ERO1B: variants seen among roughly 807,000 people sequenced by gnomAD.
ERO1B encodes the protein endoplasmic reticulum oxidoreductase 1 beta.
A neutral mutation model predicts 75.3 loss-of-function variants in ERO1B; 49 were observed. That is an observed-to-expected ratio of 0.65 (90% CI 0.52 to 0.83). The LOEUF is 0.83. ERO1B is among the 40% of genes least tolerant of loss of function. The pLI, the probability that ERO1B is intolerant of heterozygous loss-of-function variation, is 0.00. For missense variants in ERO1B, 512 were observed against 560.1 expected, an observed-to-expected ratio of 0.91 and a Z score of 0.87; for synonymous variants, 191 against 192.9, an observed-to-expected ratio of 0.99 and a Z score of 0.08.
chr1:236,221,584 C>A (rs1227487582), intron 14 of ERO1B, among the ~76,000 whole-genome samples: 1 of 152,150 alleles, frequency 6.6e-6, no homozygotes, highest in Non-Finnish European at 1.5e-5. Context: ...ATATTTCAAT[C>A]TTTTTATGTA....
At chr1:236,220,005 C>G (rs1185414358) in intron 15 of ERO1B, among the ~76,000 whole-genome samples, 1 of 124,094 alleles carries the variant, frequency 8.1e-6, no homozygotes, top group Admixed American at 9.9e-5. Context: ...GCCTGGATGA[C>G]AGAGCGAGAC....
intron 5 of ERO1B, among the ~76,000 whole-genome samples, chr1:236,246,345 T>TAAAA (rs200804914): frequency 0.069 from 10,422 of 151,928 alleles, 742 homozygotes; most frequent in East Asian, 0.39. Context: ...TTTTTTTTTT[T>TAAAA]AATTTTTTGT....
intron 9 of ERO1B, among the ~76,000 whole-genome samples, chr1:236,232,151 A>G (rs1038512085): frequency 5.3e-5 from 8 of 152,180 alleles, no homozygotes; most frequent in African/African-American, 1.9e-4. Context: ...CTAAGGAGCT[A>G]TATATATCAC....
chr1:236,281,552 C>T, intron 1 of ERO1B, 130 bp downstream of exon 1: 1 of 604,390 alleles, frequency 1.7e-6, no homozygotes, highest in Non-Finnish European at 2.4e-6. Context: ...CCCGGGTTTT[C>T]TGCTCGCCAG....
In ERO1B at chr1:236,215,891, G is replaced by A. The variant is rs1029378653; in HGVS notation, c.*2625C>T. 2 of 151,138 alleles carry A rather than the reference G, an allele frequency of 1.3e-5. No individual in the cohort carries two copies. Among genetic ancestry groups the A allele is most frequent in the Admixed American group, 6.6e-5 (1 of 15,038 alleles). The allele number at this position is 151,138 out of a possible 1,614,324, so 9.4% of individuals were successfully genotyped here. A position where few individuals can be genotyped will look rare whatever the true frequency, so the allele number is the denominator to read the frequency against. The stretch of plus-strand genomic sequence containing the variant: ...TTATATACAGTGGCACATAGGCAAA[G>A]TTGAAAAACATGGCAGAGTTTCATA... On this transcript the variant is annotated 3_prime_UTR_variant, in exon 16 of 16. Coordinates refer to ENST00000354619, the MANE Select transcript of ERO1B (RefSeq NM_019891.4).
At chr1:236,250,897 T>C (rs1012391028) in intron 4 of ERO1B, among the ~76,000 whole-genome samples, 9 of 152,164 alleles carry the variant, frequency 5.9e-5, no homozygotes, top group African/African-American at 1.9e-4. Context: ...GCATGCCTTA[T>C]GGTTCAGCAA....
At chr1:236,270,458 A>T (rs768606534) in intron 1 of ERO1B, among the ~76,000 whole-genome samples, 4 of 152,146 alleles carry the variant, frequency 2.6e-5, no homozygotes, top group Non-Finnish European at 4.4e-5. Context: ...TTCATGAATG[A>T]GGTATTATAA....
intron 4 of ERO1B, 21 bp downstream of exon 4, chr1:236,252,029 C>G: frequency 6.5e-7 from 1 of 1,541,252 alleles, no homozygotes; most frequent in Non-Finnish European, 8.9e-7. Context: ...CAGAAACACT[C>G]AAGGAAGAGG....
intron 2 of ERO1B, among the ~76,000 whole-genome samples, chr1:236,255,654 G>A (rs547758474): frequency 3.9e-5 from 6 of 152,194 alleles, no homozygotes; most frequent in African/African-American, 9.7e-5. Context: ...TTGGTAATAT[G>A]TAAAATGGGT....
intron 7 of ERO1B, 87 bp from the exon 8 acceptor site, chr1:236,235,922 TCCCCA>T: frequency 8.8e-7 from 1 of 1,135,148 alleles, no homozygotes; most frequent in Non-Finnish European, 1.3e-6. Flanking sequence ...AATACTCCCC[TCCCCA>T]CCCTCTTTTT....
intron 1 of ERO1B, among the ~76,000 whole-genome samples, chr1:236,273,810 G>C (rs1385269096): frequency 9.7e-6 from 1 of 102,724 alleles, no homozygotes; most frequent in Non-Finnish European, 2.1e-5. Context: ...TGTCTCAAAA[G>C]AAAAAAAAAA....
chr1:236,275,223 A>T lies in ERO1B; in HGVS notation c.103-5229T>A, dbSNP rs187754382. 2.8e-3 allele frequency among the ~76,000 whole-genome samples: 420 copies of T among 152,284 alleles called. 5 individuals carry two copies. The highest frequency in any genetic ancestry group is 9.9e-3 in the African/African-American group (410 of 41,548). ...CTATCCACCATCAGTGCAGACCTAC[A>T]AATTAAGGGCTGAGTCCCACAAGAT... On this transcript the variant is annotated intron_variant, in intron 1 of 15. Coordinates refer to ENST00000354619, the MANE Select transcript of ERO1B (RefSeq NM_019891.4).
rs755648848 is a variant in ERO1B at position 236,281,686 on chromosome 1, G to T, written c.98C>A (p.Ala33Glu). Reference protein sequence around the residue: ...TLSFLRSVVEAQVTGVLDDCL... With the variant: ...TLSFLRSVVEEQVTGVLDDCL... ...CCCGCTATCACTCGGGCTTACCTGCGCCTCGACGACGCTCCGCAGGAAGCT... is the reference window on the plus strand; with the variant it reads ...CCCGCTATCACTCGGGCTTACCTGCTCCTCGACGACGCTCCGCAGGAAGCT... Residue 33 changes from alanine to glutamate, a missense_variant, in exon 1 of 16, where the codon GCG (alanine) becomes GAG (glutamate). Coordinates refer to ENST00000354619, the MANE Select transcript of ERO1B (RefSeq NM_019891.4). 2.7e-6 allele frequency: 4 copies of T among 1,476,318 alleles called. No homozygotes were observed. Among genetic ancestry groups the T allele is most frequent in the Non-Finnish European group, 3.6e-6 (4 of 1,111,656 alleles). The allele number at this position is 1,476,318 out of a possible 1,614,324, so 91.5% of individuals were successfully genotyped here.
rs1330051081 is a variant in ERO1B at position 236,217,057 on chromosome 1, G to A, written c.*1459C>T. ...CCCCACCACATCCCACCAAGAGATG[G>A]CTAAGTATTTTTAAGAGGGGTGAGC... On this transcript the variant is annotated 3_prime_UTR_variant, in exon 16 of 16. Coordinates refer to ENST00000354619, the MANE Select transcript of ERO1B (RefSeq NM_019891.4). 6.6e-6 allele frequency: 1 copy of A among 151,814 alleles called. No homozygotes were observed. The highest frequency in any genetic ancestry group is 1.9e-4 in the East Asian group (1 of 5,182). The allele number at this position is 151,814 out of a possible 1,614,324, so 9.4% of individuals were successfully genotyped here.
intron 8 of ERO1B, among the ~76,000 whole-genome samples, chr1:236,234,225 C>T (rs1007161179): frequency 1.3e-5 from 2 of 152,212 alleles, no homozygotes; most frequent in Admixed American, 1.3e-4. Flanking sequence ...CTTCTTTTCT[C>T]CTCTTCCCTT....
intron 2 of ERO1B, among the ~76,000 whole-genome samples, chr1:236,259,511 C>T (rs1357999993): frequency 1.3e-5 from 2 of 152,082 alleles, no homozygotes; most frequent in East Asian, 3.8e-4. Flanking sequence ...CTTGCTTCAC[C>T]TCTAAGGACA....
chr1:236,251,502 G>A, intron 4 of ERO1B: 1 of 974,718 alleles, frequency 1.0e-6, no homozygotes, highest in Non-Finnish European at 1.2e-6. Context: ...AAACGCAAAG[G>A]AGGCACAAGA....
intron 9 of ERO1B, among the ~76,000 whole-genome samples, 200 bp downstream of exon 9, chr1:236,232,628 A>G (rs940191700): frequency 1.5e-5 from 2 of 137,568 alleles, no homozygotes; most frequent in African/African-American, 5.2e-5. Context: ...GCATTTAGGA[A>G]AAATGGTCTT....
At chr1:236,278,491 CTCCAT>C (rs1323653364) in intron 1 of ERO1B, among the ~76,000 whole-genome samples, 1 of 152,092 alleles carries the variant, frequency 6.6e-6, no homozygotes, top group Non-Finnish European at 1.5e-5. Flanking sequence ...GCCCACTCCA[CTCCAT>C]GCAACTGCTA....
Sources: allele counts gnomAD v4.1 joint callset (sites outside exome capture counted in the v4.1 genomes callset), GRCh38; gene constraint gnomAD v4.1.1; transcripts MANE v1.5; gene names NCBI Gene and HGNC (gene_info 2026-07-23, HGNC 2026-07-21).